CHN2: variants seen among roughly 807,000 people sequenced by gnomAD.
CHN2 encodes chimerin 2.
Under a neutral mutation model 56.3 loss-of-function variants are expected in CHN2, and 35 were observed. The ratio of observed to expected loss-of-function variants is 0.62; its 90% CI spans 0.47 to 0.82. CHN2 has a LOEUF of 0.82. CHN2 is among the 40% of genes least tolerant of loss of function. The pLI is 0.00. For synonymous variants in CHN2, 210 were observed against 212.8 expected, an observed-to-expected ratio of 0.99 and a Z score of 0.12; for missense variants, 491 against 580.5, an observed-to-expected ratio of 0.85 and a Z score of 1.58.
chr7:29,234,986 A>T lies in CHN2; in HGVS notation c.49+39996A>T, dbSNP rs77772145. On this transcript the variant is annotated intron_variant, in intron 1 of 12. Transcript: ENST00000222792. ...TCTACTGGTACAGTTCTATTAATTCATTTAGTAAGTATTGATCTAAGGCCA... is the reference window on the plus strand; with the variant it reads ...TCTACTGGTACAGTTCTATTAATTCTTTTAGTAAGTATTGATCTAAGGCCA... Among the ~76,000 whole-genome samples the T allele has an allele frequency of 3.5e-3, 528 of 152,304 alleles. 7 individuals are homozygous for T. In the East Asian group the frequency reaches 0.039, roughly 11 times the overall value.
intron 2 of CHN2, among the ~76,000 whole-genome samples, chr7:29,364,534 C>A (rs535367699): frequency 6.6e-6 from 1 of 152,146 alleles, no homozygotes; most frequent in South Asian, 2.1e-4. Context: ...CCATTGCATG[C>A]TCATTAACAG....
intron 1 of CHN2, among the ~76,000 whole-genome samples, chr7:29,227,878 GT>G (rs1786333932): frequency 6.6e-6 from 1 of 152,060 alleles, no homozygotes; most frequent in East Asian, 1.9e-4. Context: ...TGTAGTCCAA[GT>G]TCAAAAGAAT....
chr7:29,247,355 T>C lies in CHN2; in HGVS notation c.49+52365T>C, dbSNP rs372137339. Among the ~76,000 whole-genome samples the C allele has an allele frequency of 8.5e-5, 13 of 152,306 alleles. No homozygotes were observed. The East Asian group carries it at 1.5e-3, about 18-fold the overall frequency. ...ACAGACATTTCCTCCCTGCCACATG[T>C]GTCACACAGGCCTGGCTGCCTCCTT... On this transcript the variant is annotated intron_variant, in intron 1 of 12. Coordinates refer to ENST00000222792, the MANE Select transcript of CHN2 (RefSeq NM_004067.4).
chr7:29,229,150 T>A (rs1786467203), intron 1 of CHN2, among the ~76,000 whole-genome samples: 1 of 151,544 alleles, frequency 6.6e-6, no homozygotes, highest in African/African-American at 2.4e-5. Context: ...TTTGCAAGAG[T>A]GGGGTGGGGT....
At chr7:29,172,278 C>T (rs1347020310) in intron 2 of CHN2, among the ~76,000 whole-genome samples, 2 of 152,176 alleles carry the variant, frequency 1.3e-5, no homozygotes, top group Non-Finnish European at 2.9e-5. Context: ...TTGCTGTGGG[C>T]ATCACAGCTG....
intron 2 of CHN2, among the ~76,000 whole-genome samples, chr7:29,156,742 G>A (rs1176502492): frequency 6.6e-6 from 1 of 152,158 alleles, no homozygotes; most frequent in African/African-American, 2.4e-5. Context: ...GCTTACACAA[G>A]CATTATGCTA....
At chr7:29,158,288 T>G (rs548571358) in intron 2 of CHN2, among the ~76,000 whole-genome samples, 59 of 152,312 alleles carry the variant, frequency 3.9e-4, no homozygotes, top group African/African-American at 1.3e-3. Context: ...ACATATTTTC[T>G]TAGGACCTCA....
Position 29,221,049 on chromosome 7 carries a change from G to C in CHN2, c.49+26059G>C, listed in dbSNP as rs181528802. Among the ~76,000 whole-genome samples the C allele has an allele frequency of 6.9e-3, 1,044 of 152,266 alleles. 18 individuals are homozygous for C. The highest frequency in any genetic ancestry group is 0.024 in the African/African-American group (995 of 41,550). ...TTATTTCAGTAGAGAAGACTAATTT[G>C]ATTCCGCACTTGGTTATAATAAAAA... On this transcript the variant is annotated intron_variant, in intron 1 of 12. Coordinates refer to ENST00000222792, the MANE Select transcript of CHN2 (RefSeq NM_004067.4).
chr7:29,175,591 C>T (rs926359158), intron 2 of CHN2, among the ~76,000 whole-genome samples: 5 of 152,130 alleles, frequency 3.3e-5, no homozygotes, highest in East Asian at 1.9e-4. Flanking sequence ...CCTCCCCAGC[C>T]GTATGGAACT....
At chr7:29,487,634 C>G (rs1381565521) in intron 7 of CHN2, among the ~76,000 whole-genome samples, 2 of 152,004 alleles carry the variant, frequency 1.3e-5, no homozygotes. Context: ...CAGTTTCTCC[C>G]TCTCTTCCTC....
At chr7:29,180,663 T>C (rs1797959277) in intron 2 of CHN2, among the ~76,000 whole-genome samples, 1 of 152,202 alleles carries the variant, frequency 6.6e-6, no homozygotes, top group Non-Finnish European at 1.5e-5. Context: ...TTAAAAGTTA[T>C]TATAATTACT....
chr7:29,357,432 A>G (rs1798394374), intron 2 of CHN2, among the ~76,000 whole-genome samples: 1 of 152,204 alleles, frequency 6.6e-6, no homozygotes, highest in African/African-American at 2.4e-5. Flanking sequence ...TGGGTGTTAG[A>G]CCACGTATGA....
At chr7:29,301,154 C>T (rs1447619879) in intron 1 of CHN2, among the ~76,000 whole-genome samples, 1 of 152,040 alleles carries the variant, frequency 6.6e-6, no homozygotes, top group East Asian at 1.9e-4. Context: ...TCTTAAAAAG[C>T]TTGTGATAAG....
At chr7:29,393,551 C>G (rs868677363) in intron 3 of CHN2, 128 bp from the exon 4 acceptor site, 2 of 446,484 alleles carry the variant, frequency 4.5e-6, no homozygotes, top group Middle Eastern at 3.6e-4. Flanking sequence ...TCATGGATCT[C>G]TGATTTGGAG....
intron 1 of CHN2, among the ~76,000 whole-genome samples, chr7:29,238,844 A>G (rs1787415054): frequency 1.3e-5 from 2 of 152,196 alleles, no homozygotes; most frequent in African/African-American, 4.8e-5. Flanking sequence ...ACATGCCTGG[A>G]GTGTTCAAAG....
chr7:29,227,511 G>T (rs1786301764), intron 1 of CHN2, among the ~76,000 whole-genome samples: 1 of 152,184 alleles, frequency 6.6e-6, no homozygotes, highest in African/African-American at 2.4e-5. Flanking sequence ...GGTGGCTCAT[G>T]ACCAGCTTCG....
At chr7:29,198,039 C>G (rs1053148588) in intron 1 of CHN2, 12 of 456,050 alleles carry the variant, frequency 2.6e-5, no homozygotes, top group Non-Finnish European at 4.8e-5. Flanking sequence ...GCTTACAGGC[C>G]CATAAGCAGC....
At chr7:29,212,282 C>T (rs1260669039) in intron 1 of CHN2, 2 of 1,073,642 alleles carry the variant, frequency 1.9e-6, no homozygotes, top group African/African-American at 3.1e-5. Flanking sequence ...ATTTTTTCCC[C>T]CTCTTCCTCA....
intron 1 of CHN2, among the ~76,000 whole-genome samples, chr7:29,233,142 C>T (rs1676766767): frequency 1.3e-5 from 2 of 152,198 alleles, no homozygotes; most frequent in African/African-American, 4.8e-5. Context: ...TGCACCTTGC[C>T]ACCAAACTAG....
Sources: gnomAD v4.1 joint callset for allele counts (sites outside exome capture counted in the v4.1 genomes callset) on GRCh38, gnomAD v4.1.1 for gene constraint, MANE v1.5 for transcripts, NCBI Gene and HGNC (gene_info 2026-07-23, HGNC 2026-07-21) for gene names.